Variants in XKR4 observed in about 807,000 individuals in gnomAD.
XKR4 encodes XK-related protein 4.
XKR4 carries 12 observed loss-of-function variants against 53.9 expected under a neutral mutation model. The ratio of observed to expected loss-of-function variants is 0.22; its 90% CI spans 0.14 to 0.36. The LOEUF is 0.36. XKR4 is among the 10% of genes least tolerant of loss of function. The pLI, the probability that XKR4 is intolerant of heterozygous loss-of-function variation, is 1.00. For synonymous variants in XKR4, 354 were observed against 362.4 expected, an observed-to-expected ratio of 0.98 and a Z score of 0.26; for missense variants, 799 against 859.5, an observed-to-expected ratio of 0.93 and a Z score of 0.88.
At chr8:55,421,367 CG>C (rs2053127437) in intron 2 of XKR4, among the ~76,000 whole-genome samples, 1 of 152,210 alleles carries the variant, frequency 6.6e-6, no homozygotes, top group Non-Finnish European at 1.5e-5. Flanking sequence ...CCTTGCCATA[CG>C]GTTTACTTGC....
chr8:55,383,181 C>T (rs1804261053), intron 2 of XKR4, among the ~76,000 whole-genome samples: 1 of 152,094 alleles, frequency 6.6e-6, no homozygotes, highest in Non-Finnish European at 1.5e-5. Context: ...CCACTGCACT[C>T]CAGCCTGGAT....
In XKR4 at chr8:55,289,641, GA is replaced by G. The variant is rs1367935557; in HGVS notation, c.807-68034del. On this transcript the variant is annotated intron_variant, in intron 1 of 2. Transcript: ENST00000327381. ...AGAAAGAAAGAAAGAAAGAAAGAAA[GA>G]AAGAAAGGAAGGAAGGAAAAGAAAA... Among the ~76,000 whole-genome samples the G allele has an allele frequency of 8.4e-3, 953 of 113,886 alleles. 12 individuals are homozygous for G. Among genetic ancestry groups the G allele is most frequent in the East Asian group, 0.019 (78 of 4,094 alleles). 74.7% of individuals were successfully genotyped at this position (113,886 alleles called of 152,430 possible). A position where few individuals can be genotyped will look rare whatever the true frequency, so the allele number is the denominator to read the frequency against.
At chr8:55,498,688 G>T (rs1375771020) in intron 2 of XKR4, among the ~76,000 whole-genome samples, 4 of 152,122 alleles carry the variant, frequency 2.6e-5, no homozygotes, top group African/African-American at 9.7e-5. Flanking sequence ...CAGGAGGATC[G>T]CTTGAGGCCA....
At chr8:55,206,259 C>T (rs2129362930) in intron 1 of XKR4, among the ~76,000 whole-genome samples, 1 of 152,326 alleles carries the variant, frequency 6.6e-6, no homozygotes, top group African/African-American at 2.4e-5. Flanking sequence ...TGGCCCCACC[C>T]ACGTCCTGCT....
intron 1 of XKR4, among the ~76,000 whole-genome samples, 195 bp from the exon 2 acceptor site, chr8:55,357,483 G>T (rs1382176040): frequency 6.6e-6 from 1 of 152,160 alleles, no homozygotes; most frequent in Non-Finnish European, 1.5e-5. Flanking sequence ...AAATTGCAGT[G>T]ACTTCTCAAA....
chr8:55,369,350 GA>G (rs1804036173), intron 2 of XKR4, among the ~76,000 whole-genome samples: 1 of 121,638 alleles, frequency 8.2e-6, no homozygotes, highest in South Asian at 3.2e-4. Flanking sequence ...GCTGAGAAAG[GA>G]AAGGGAAGGG....
intron 2 of XKR4, among the ~76,000 whole-genome samples, chr8:55,513,119 G>A (rs565529236): frequency 6.6e-6 from 1 of 152,006 alleles, no homozygotes; most frequent in Non-Finnish European, 1.5e-5. Context: ...TCATCTTCTG[G>A]GCCCCCTTCC....
intron 1 of XKR4, among the ~76,000 whole-genome samples, chr8:55,181,519 C>T (rs762943909): frequency 1.3e-5 from 2 of 152,020 alleles, no homozygotes; most frequent in African/African-American, 2.4e-5. Context: ...GGGACCACTA[C>T]GGATATGCAG....
At chr8:55,192,367 T>C (rs1817455343) in intron 1 of XKR4, among the ~76,000 whole-genome samples, 1 of 151,934 alleles carries the variant, frequency 6.6e-6, no homozygotes, top group Non-Finnish European at 1.5e-5. Context: ...CACTGATGTT[T>C]ATATAACAAA....
chr8:55,239,272 T>C (rs1818175021), intron 1 of XKR4, among the ~76,000 whole-genome samples: 1 of 152,236 alleles, frequency 6.6e-6, no homozygotes, highest in East Asian at 1.9e-4. Flanking sequence ...ATACATGAAG[T>C]ATCTTGTTGT....
At chr8:55,118,288 A>G (rs1490231578) in intron 1 of XKR4, among the ~76,000 whole-genome samples, 1 of 152,226 alleles carries the variant, frequency 6.6e-6, no homozygotes, top group Non-Finnish European at 1.5e-5. Flanking sequence ...TTCCATTCCC[A>G]TGTGAATAGT....
intron 2 of XKR4, among the ~76,000 whole-genome samples, chr8:55,396,399 G>GTTTTTTT (rs71256534): frequency 0.097 from 8,595 of 88,544 alleles, 1,475 homozygotes; most frequent in African/African-American, 0.27. Flanking sequence ...TTTTTGTTTG[G>GTTTTTTT]TTTTTTTTTT....
chr8:55,303,661 G>A (rs1819241734), intron 1 of XKR4, among the ~76,000 whole-genome samples: 1 of 152,082 alleles, frequency 6.6e-6, no homozygotes, highest in African/African-American at 2.4e-5. Context: ...ATTGATTATT[G>A]CCACAATTTC....
intron 2 of XKR4, among the ~76,000 whole-genome samples, chr8:55,386,451 A>G (rs1053902549): frequency 1.3e-5 from 2 of 152,224 alleles, no homozygotes; most frequent in Non-Finnish European, 2.9e-5. Flanking sequence ...TGGTTTGGAT[A>G]TGGCTGAGCC....
intron 1 of XKR4, among the ~76,000 whole-genome samples, chr8:55,333,030 A>G (rs969719638): frequency 1.3e-5 from 2 of 151,540 alleles, no homozygotes; most frequent in African/African-American, 4.9e-5. Context: ...GAATTTTTCA[A>G]TTCATTTATT....
At chr8:55,364,275 C>T (rs1016682254) in intron 2 of XKR4, among the ~76,000 whole-genome samples, 3 of 152,208 alleles carry the variant, frequency 2.0e-5, no homozygotes, top group African/African-American at 4.8e-5. Context: ...GTCCCCTCCT[C>T]TATCTGACGC....
chr8:55,414,724 A>G (rs981430485), intron 2 of XKR4, among the ~76,000 whole-genome samples: 15 of 152,244 alleles, frequency 9.9e-5, no homozygotes, highest in African/African-American at 3.6e-4. Context: ...TTTCCTGTTT[A>G]AATGCTAAGA....
intron 2 of XKR4, among the ~76,000 whole-genome samples, chr8:55,382,116 C>G (rs930185461): frequency 1.3e-5 from 2 of 152,102 alleles, no homozygotes; most frequent in African/African-American, 2.4e-5. Flanking sequence ...ATTGGAGATG[C>G]CTTTGTCAAA....
chr8:55,418,282 G>T (rs1029544298), intron 2 of XKR4, among the ~76,000 whole-genome samples: 24 of 152,290 alleles, frequency 1.6e-4, no homozygotes, highest in African/African-American at 5.3e-4. Context: ...GCCATCAGCA[G>T]CAACAGCATT....
Sources: allele counts gnomAD v4.1 joint callset (sites outside exome capture counted in the v4.1 genomes callset), GRCh38; gene constraint gnomAD v4.1.1; transcripts MANE v1.5; gene names NCBI Gene and HGNC (gene_info 2026-07-23, HGNC 2026-07-21).